The following HS6ST2 variants were observed in gnomAD, a reference collection of about 807,000 sequenced individuals.
HS6ST2 encodes heparan sulfate 6-O-sulfotransferase 2.
HS6ST2 carries 17 observed loss-of-function variants against 33.0 expected under a neutral mutation model. The observed-to-expected ratio is 0.52, with a 90% CI of 0.35 to 0.77. The LOEUF (loss-of-function observed/expected upper bound fraction) is 0.77. Among genes scored for constraint, HS6ST2 ranks in the 30% least tolerant of loss-of-function variants. The pLI is 0.01. For missense variants in HS6ST2, 519 were observed against 551.7 expected, an observed-to-expected ratio of 0.94 and a Z score of 0.59; for synonymous variants, 248 against 237.1, an observed-to-expected ratio of 1.05 and a Z score of -0.42.
At chrX:132,657,149 C>T (rs1189413261) in intron 4 of HS6ST2, among the ~76,000 whole-genome samples, 1 of 110,925 alleles carries the variant, frequency 9.0e-6, no homozygotes, top group Admixed American at 9.7e-5. Flanking sequence ...AATGCCTTGT[C>T]CATTGTAGGC....
chrX:132,906,862 A>G (rs1402018200), intron 2 of HS6ST2, among the ~76,000 whole-genome samples: 2 of 111,288 alleles, frequency 1.8e-5, no homozygotes, highest in Non-Finnish European at 3.8e-5. Context: ...ACAGGGTTTT[A>G]CCATGATGGC....
At chrX:132,660,893 A>G (rs1326991738) in intron 4 of HS6ST2, among the ~76,000 whole-genome samples, 1 of 112,072 alleles carries the variant, frequency 8.9e-6, no homozygotes, top group Non-Finnish European at 1.9e-5. Flanking sequence ...GTATGGCTGG[A>G]GAGGACTCAG....
chrX:132,722,110 C>A lies in HS6ST2; in HGVS notation c.948-13616G>T, dbSNP rs2064335867. 5.7e-5 allele frequency among the ~76,000 whole-genome samples: 6 copies of A among 104,417 alleles called. No individual in the cohort carries two copies. In the South Asian group the frequency reaches 2.7e-3, roughly 47 times the overall value. The allele number at this position is 104,417 out of a possible 115,157, so 90.7% of individuals were successfully genotyped here. A position where few individuals can be genotyped will look rare whatever the true frequency, so the allele number is the denominator to read the frequency against. Reference sequence around the variant, plus strand: ...GGCTGAGGCAGGAGAATGGCATGAACCTGGGAGGCGGAGCTTGCAATGAGT... The same window carrying A: ...GGCTGAGGCAGGAGAATGGCATGAAACTGGGAGGCGGAGCTTGCAATGAGT... On this transcript the variant is annotated intron_variant, in intron 2 of 4. Transcript: ENST00000370833.
At chrX:132,815,596 G>A (rs2065386664) in intron 2 of HS6ST2, among the ~76,000 whole-genome samples, 1 of 112,109 alleles carries the variant, frequency 8.9e-6, no homozygotes, top group Non-Finnish European at 1.9e-5. Context: ...TTTTGGCTCT[G>A]TTAGCTTTTT....
chrX:132,628,777 T>C lies in HS6ST2; in HGVS notation c.1384A>G (p.Lys462Glu). The change falls in exon 5 of 5, where the codon AAG becomes GAG. Residue 462 changes from lysine to glutamate, a missense_variant. Coordinates refer to ENST00000370833, the MANE Select transcript of HS6ST2 (RefSeq NM_001394073.1). ...AACGCCATGTGCTTCAGATTTGACTTGGCACTTTCCAGAAGGACCTTGTTT... is the reference window on the plus strand; with the variant it reads ...AACGCCATGTGCTTCAGATTTGACTCGGCACTTTCCAGAAGGACCTTGTTT... ...QRNKVLLESAKSNLKHMAFFG... is the reference protein window; with the variant it reads ...QRNKVLLESAESNLKHMAFFG... 8.3e-7 allele frequency: 1 copy of C among 1,211,851 alleles called. No individual in the cohort carries two copies. Among genetic ancestry groups the C allele is most frequent in the Non-Finnish European group, 1.1e-6 (1 of 895,459 alleles).
chrX:132,777,949 T>A (rs2064980149), intron 2 of HS6ST2, among the ~76,000 whole-genome samples: 1 of 111,916 alleles, frequency 8.9e-6, no homozygotes, highest in South Asian at 3.7e-4. Context: ...CTGAACAGAA[T>A]ATAGACAATT....
At chrX:132,657,803 C>T (rs1222282861) in intron 4 of HS6ST2, among the ~76,000 whole-genome samples, 1 of 105,017 alleles carries the variant, frequency 9.5e-6, no homozygotes, top group Non-Finnish European at 2.0e-5. Context: ...ACTGCAATTA[C>T]TTTTGCACCA....
At chrX:132,847,094 A>T (rs1406184040) in intron 2 of HS6ST2, among the ~76,000 whole-genome samples, 1 of 111,620 alleles carries the variant, frequency 9.0e-6, no homozygotes, top group Non-Finnish European at 1.9e-5. Flanking sequence ...GAAGGTCTTG[A>T]AACACTACAG....
chrX:132,767,651 G>A (rs922501154), intron 2 of HS6ST2, among the ~76,000 whole-genome samples: 6 of 110,979 alleles, frequency 5.4e-5, no homozygotes, highest in African/African-American at 1.6e-4. Context: ...CTCCCACCTC[G>A]GCCTCCCAAA....
chrX:132,781,669 T>A (rs377745018), intron 2 of HS6ST2, among the ~76,000 whole-genome samples: 1 of 111,196 alleles, frequency 9.0e-6, no homozygotes, highest in Non-Finnish European at 1.9e-5. Flanking sequence ...GAACCTATAA[T>A]TGAGGTGGAA....
intron 2 of HS6ST2, among the ~76,000 whole-genome samples, chrX:132,714,895 C>T (rs2064260545): frequency 9.0e-6 from 1 of 111,581 alleles, no homozygotes; most frequent in African/African-American, 3.3e-5. Context: ...AGGGATCAGG[C>T]TTAACTTGGA....
At chrX:132,695,642 T>G (rs1022947752) in intron 3 of HS6ST2, among the ~76,000 whole-genome samples, 1 of 111,934 alleles carries the variant, frequency 8.9e-6, no homozygotes. Context: ...AACCAGATAC[T>G]AAAATCCATC....
chrX:132,871,472 C>T (rs2066056278), intron 2 of HS6ST2, among the ~76,000 whole-genome samples: 1 of 111,996 alleles, frequency 8.9e-6, no homozygotes, highest in African/African-American at 3.2e-5. Context: ...TATAAAGACA[C>T]ATGCACACGT....
At position 132,628,386 on chromosome X, in the gene HS6ST2, T is replaced by C. The variant is rs2063493558; in HGVS notation, c.1775A>G (p.Asn592Ser). 1 of 1,185,829 alleles carries C rather than the reference T, an allele frequency of 8.4e-7. No individual in the cohort carries two copies. Among genetic ancestry groups the C allele is most frequent in the Non-Finnish European group, 1.1e-6 (1 of 878,078 alleles). Reference sequence around the variant, plus strand: ...ATTCTGAGTCAGGTTCTGATTGGCATTCGGATTTGGGTTCTGACTCTGATT... The same window carrying C: ...ATTCTGAGTCAGGTTCTGATTGGCACTCGGATTTGGGTTCTGACTCTGATT... Reference protein sequence around the residue: ...NQNQSQNPNPNANQNLTQNLM... With the variant: ...NQNQSQNPNPSANQNLTQNLM... Residue 592 changes from asparagine (N) to serine (S), a missense_variant, in exon 5 of 5, where the codon AAT becomes AGT. Physicochemically the swap from Asn to Ser is conservative, Grantham distance 46 (BLOSUM62 1). Transcript: ENST00000370833.
At chrX:132,669,414 C>G in intron 3 of HS6ST2, 1 of 293,805 alleles carries the variant, frequency 3.4e-6, no homozygotes, top group Non-Finnish European at 5.8e-6. Flanking sequence ...TGGTCAAGTT[C>G]AAAGAAAGCT....
rs188238374 is a variant in HS6ST2, at chrX:132,775,332, C to A, written c.948-66838G>T. 2.6e-3 allele frequency among the ~76,000 whole-genome samples: 294 copies of A among 111,443 alleles called. 1 individual carries two copies. The highest frequency in any genetic ancestry group is 9.1e-3 in the African/African-American group (279 of 30,685). On this transcript the variant is annotated intron_variant, in intron 2 of 4. Coordinates refer to ENST00000370833, the MANE Select transcript of HS6ST2 (RefSeq NM_001394073.1). ...GACCATAGTGACCTTAGGTGTGCCACACACAGCTACTCAATTACCTCAGCT... is the reference window on the plus strand; with the variant it reads ...GACCATAGTGACCTTAGGTGTGCCAAACACAGCTACTCAATTACCTCAGCT...
chrX:132,797,295 AG>A (rs759861120), intron 2 of HS6ST2, among the ~76,000 whole-genome samples: 1 of 111,692 alleles, frequency 9.0e-6, no homozygotes, highest in Non-Finnish European at 1.9e-5. Context: ...GCTAAGTCAT[AG>A]GGTTGGAAGC....
intron 2 of HS6ST2, among the ~76,000 whole-genome samples, chrX:132,938,940 G>C (rs1416046218): frequency 8.9e-6 from 1 of 112,182 alleles, no homozygotes; most frequent in Admixed American, 9.4e-5. Flanking sequence ...AGGCTGTACA[G>C]CTAGCATAGT....
intron 2 of HS6ST2, among the ~76,000 whole-genome samples, chrX:132,739,812 C>A (rs2064551352): frequency 9.0e-6 from 1 of 111,021 alleles, no homozygotes; most frequent in Non-Finnish European, 1.9e-5. Flanking sequence ...TAAGCGTTTT[C>A]CTAAAACCTT....
Sources: gnomAD v4.1 joint callset for allele counts (sites outside exome capture counted in the v4.1 genomes callset) on GRCh38, gnomAD v4.1.1 for gene constraint, MANE v1.5 for transcripts, NCBI Gene and HGNC (gene_info 2026-07-23, HGNC 2026-07-21) for gene names.